The following PPM1H variants were observed in gnomAD, a reference collection of about 807,000 sequenced individuals.
The protein encoded by PPM1H is protein phosphatase, Mg2+/Mn2+ dependent 1H, also known as protein phosphatase 1H.
In PPM1H, 27 loss-of-function variants were observed where a neutral mutation model predicts 54.9. That is an observed-to-expected ratio of 0.49 (90% CI 0.36 to 0.68). The LOEUF (loss-of-function observed/expected upper bound fraction) is 0.68, where lower values mean the gene tolerates loss of function less well. Ranked by LOEUF, PPM1H falls within the 30% of genes least tolerant of loss-of-function variation. The pLI is 0.00. For synonymous variants in PPM1H, 305 were observed against 270.8 expected (o/e 1.13, Z -1.24); for missense variants, 596 against 667.8 (o/e 0.89, Z 1.19).
chr12:62,908,655 C>T (rs1871371609), intron 1 of PPM1H, among the ~76,000 whole-genome samples: 1 of 152,088 alleles, frequency 6.6e-6, no homozygotes, highest in South Asian at 2.1e-4. Context: ...GGGCTGCAAC[C>T]ACCCGAAGGA....
intron 5 of PPM1H, among the ~76,000 whole-genome samples, chr12:62,728,264 T>C (rs961632066): frequency 6.6e-6 from 1 of 152,138 alleles, no homozygotes; most frequent in Non-Finnish European, 1.5e-5. Flanking sequence ...CATCACTTAG[T>C]GATCTGAGCA....
At chr12:62,846,563 G>T (rs924874982) in intron 1 of PPM1H, among the ~76,000 whole-genome samples, 22 of 151,502 alleles carry the variant, frequency 1.5e-4, no homozygotes, top group African/African-American at 5.3e-4. Flanking sequence ...CTTCCTGACG[G>T]GCCCTCTGAA....
At chr12:62,862,194 G>A (rs983613766) in intron 1 of PPM1H, among the ~76,000 whole-genome samples, 1 of 152,168 alleles carries the variant, frequency 6.6e-6, no homozygotes, top group African/African-American at 2.4e-5. Flanking sequence ...ATCTTAAACA[G>A]AATCCACTGG....
intron 8 of PPM1H, among the ~76,000 whole-genome samples, chr12:62,677,759 C>T (rs1488671783): frequency 2.0e-5 from 3 of 152,206 alleles, no homozygotes; most frequent in African/African-American, 7.2e-5. Context: ...GCAAAGATGC[C>T]ACCAGCCACA....
chr12:62,843,423 T>C (rs1030994854), intron 1 of PPM1H, among the ~76,000 whole-genome samples: 1 of 152,254 alleles, frequency 6.6e-6, no homozygotes, highest in African/African-American at 2.4e-5. Context: ...ATCCTCATTT[T>C]ATTGGCCAAA....
chr12:62,892,933 A>G (rs1420875525), intron 1 of PPM1H, among the ~76,000 whole-genome samples: 1 of 152,202 alleles, frequency 6.6e-6, no homozygotes, highest in Non-Finnish European at 1.5e-5. Flanking sequence ...ATCAAGAAAC[A>G]AAGTCCTGGT....
At chr12:62,750,374 A>G (rs1295425167) in intron 4 of PPM1H, among the ~76,000 whole-genome samples, 1 of 152,246 alleles carries the variant, frequency 6.6e-6, no homozygotes, top group African/African-American at 2.4e-5. Context: ...GCATCATACA[A>G]TACATGGTCT....
At chr12:62,674,005 C>T (rs2075972136) in intron 8 of PPM1H, among the ~76,000 whole-genome samples, 1 of 152,066 alleles carries the variant, frequency 6.6e-6, no homozygotes, top group Non-Finnish European at 1.5e-5. Flanking sequence ...GTACACACCA[C>T]TGCACCTGGC....
intron 9 of PPM1H, among the ~76,000 whole-genome samples, chr12:62,659,685 A>G (rs1592528652): frequency 6.6e-6 from 1 of 152,230 alleles, no homozygotes; most frequent in South Asian, 2.1e-4. Context: ...AAAAGCCCCT[A>G]GTCTTGCCTG....
Position 62,802,043 on chromosome 12 carries a change from T to C in PPM1H, c.529A>G (p.Ile177Val). 1 of 1,613,400 alleles carries C rather than the reference T, an allele frequency of 6.2e-7. No homozygotes were observed. Among genetic ancestry groups the C allele is most frequent in the Middle Eastern group, 1.6e-4 (1 of 6,062 alleles). Residue 177 changes from isoleucine (I) to valine (V), a missense_variant, in exon 3 of 10, where the codon ATC becomes GTC. Physicochemically the swap from Ile to Val is conservative, Grantham distance 29. This residue lies in a region of PPM1H where 382 missense variants were observed against 387.1 expected (regional missense o/e 0.99). Transcript: ENST00000228705. ...GCGGAGTTCTTCAGGATGTCCACGA[T>C]GTCCTGCAGCTGCTCCGTGATGTGG... is the stretch of plus-strand genomic sequence containing the variant. ...QHHITEQLQD[I>V]VDILKNSAVL...
chr12:62,862,751 G>A (rs1869645797), intron 1 of PPM1H, among the ~76,000 whole-genome samples: 1 of 152,140 alleles, frequency 6.6e-6, no homozygotes, highest in Non-Finnish European at 1.5e-5. Context: ...TAAAAAATGT[G>A]CTGAGAAAAT....
intron 4 of PPM1H, among the ~76,000 whole-genome samples, chr12:62,763,740 C>T (rs967349175): frequency 6.6e-6 from 1 of 152,156 alleles, no homozygotes; most frequent in African/African-American, 2.4e-5. Context: ...GCTTAGAAAT[C>T]TTCAATCGTT....
At chr12:62,791,766 CA>C (rs200125648) in intron 3 of PPM1H, among the ~76,000 whole-genome samples, 1 of 152,032 alleles carries the variant, frequency 6.6e-6, no homozygotes, top group Non-Finnish European at 1.5e-5. Flanking sequence ...ACTAAAAATA[CA>C]AAAAAAGTTA....
chr12:62,704,372 T>C (rs2076161715), intron 6 of PPM1H, among the ~76,000 whole-genome samples: 1 of 152,158 alleles, frequency 6.6e-6, no homozygotes, highest in South Asian at 2.1e-4. Flanking sequence ...TATGTATAAA[T>C]CTAGTTTTGG....
chr12:62,852,826 G>A (rs1869246445), intron 1 of PPM1H, among the ~76,000 whole-genome samples: 1 of 152,234 alleles, frequency 6.6e-6, no homozygotes, highest in Admixed American at 6.5e-5. Context: ...GGCACTGCAT[G>A]AGTGGGATAC....
chr12:62,682,363 A>T (rs914481749), intron 8 of PPM1H, among the ~76,000 whole-genome samples: 10 of 152,256 alleles, frequency 6.6e-5, no homozygotes, highest in Admixed American at 5.9e-4. Context: ...CACAAAATAC[A>T]ACAAAATATG....
intron 2 of PPM1H, among the ~76,000 whole-genome samples, chr12:62,826,545 C>T (rs559231983): frequency 1.3e-5 from 2 of 152,314 alleles, no homozygotes; most frequent in South Asian, 4.1e-4. Context: ...TTGAAATCCT[C>T]TGTACATCAC....
chr12:62,868,752 A>G (rs1869872496), intron 1 of PPM1H, among the ~76,000 whole-genome samples: 1 of 152,262 alleles, frequency 6.6e-6, no homozygotes, highest in Admixed American at 6.5e-5. Context: ...ACATGGCAGC[A>G]GCCACTGGCA....
intron 4 of PPM1H, among the ~76,000 whole-genome samples, chr12:62,751,388 G>C (rs1273675520): frequency 6.6e-6 from 1 of 152,204 alleles, no homozygotes; most frequent in Non-Finnish European, 1.5e-5. Flanking sequence ...ATTTTAGCCT[G>C]AGGGAAAGAA....
Sources: gnomAD v4.1 joint callset for allele counts (sites outside exome capture counted in the v4.1 genomes callset) on GRCh38, gnomAD v4.1.1 for gene constraint, gnomAD v4.1.1 regional missense constraint, MANE v1.5 for transcripts, NCBI Gene and HGNC (gene_info 2026-07-23, HGNC 2026-07-21) for gene names.